Variants in HEYL observed in about 807,000 individuals in gnomAD.
HEYL encodes hes related family bHLH transcription factor with YRPW motif like, also known as hairy/enhancer-of-split related with YRPW motif-like protein.
HEYL carries 12 observed loss-of-function variants against 18.6 expected under a neutral mutation model. That is an observed-to-expected ratio of 0.65 (90% CI 0.41 to 1.05). HEYL has a LOEUF of 1.05. Ranked by LOEUF, HEYL falls within the 50% of genes least tolerant of loss-of-function variation. The pLI is 0.00. For synonymous variants in HEYL, 159 were observed against 179.6 expected, an observed-to-expected ratio of 0.89 and a Z score of 0.91; for missense variants, 420 against 444.7, an observed-to-expected ratio of 0.94 and a Z score of 0.50.
intron 1 of HEYL, among the ~76,000 whole-genome samples, chr1:39,637,372 C>T (rs938514825): frequency 3.3e-5 from 5 of 152,246 alleles, no homozygotes; most frequent in African/African-American, 1.2e-4. Flanking sequence ...CCCCTGACCC[C>T]GAGAGGCTGG....
At chr1:39,632,960 C>A (rs1570442837) in intron 1 of HEYL, 2 of 984,140 alleles carry the variant, frequency 2.0e-6, no homozygotes, top group African/African-American at 1.7e-5. Context: ...TCGCCCCTCG[C>A]GGCGGCCGTC....
At chr1:39,634,065 A>C (rs570674114) in intron 1 of HEYL, among the ~76,000 whole-genome samples, 1 of 152,178 alleles carries the variant, frequency 6.6e-6, no homozygotes, top group South Asian at 2.1e-4. Flanking sequence ...ACTCACTTAA[A>C]ACTCCTCAGT....
chr1:39,630,352 T>C (rs1646326079), intron 3 of HEYL, 44 bp from the exon 4 acceptor site: 1 of 1,466,380 alleles, frequency 6.8e-7, no homozygotes, highest in East Asian at 2.3e-5. Context: ...CAGCTGACCA[T>C]GTAGCTGTGC....
At chr1:39,633,081 G>A (rs1055341429) in intron 1 of HEYL, 2 of 983,128 alleles carry the variant, frequency 2.0e-6, no homozygotes, top group African/African-American at 3.5e-5. Context: ...GGGCGGGTTG[G>A]GTTTCAGAGG....
intron 1 of HEYL, chr1:39,633,155 G>GCCGC: frequency 1.0e-6 from 1 of 981,006 alleles, no homozygotes; most frequent in Non-Finnish European, 1.2e-6. Flanking sequence ...GGGCGCGCCG[G>GCCGC]CCGCCCGCCC....
chr1:39,626,479 C>T lies in HEYL; in HGVS notation c.*28G>A, dbSNP rs996221201. ...TCCTGGTAAAAGAACCTTCCTTATT[C>T]CTTGGGGCGGGGTGGTGAAGGGGCA... On this transcript the variant is annotated 3_prime_UTR_variant, in exon 5 of 5. Transcript: ENST00000372852. The T allele has an allele frequency of 4.3e-5, 63 of 1,477,426 alleles. No homozygotes were observed. The highest frequency in any genetic ancestry group is 5.6e-5 in the Non-Finnish European group (63 of 1,116,510). 91.5% of individuals were successfully genotyped at this position (1,477,426 alleles called of 1,614,324 possible). A position where few individuals can be genotyped will look rare whatever the true frequency, so the allele number is the denominator to read the frequency against.
intron 4 of HEYL, among the ~76,000 whole-genome samples, chr1:39,627,788 C>CT (rs1421325303): frequency 6.6e-6 from 1 of 152,196 alleles, no homozygotes; most frequent in African/African-American, 2.4e-5. Flanking sequence ...ATAGCAGTGC[C>CT]TACCGTATAG....
intron 4 of HEYL, 98 bp from the exon 5 acceptor site, chr1:39,627,278 C>T: frequency 9.0e-7 from 1 of 1,111,760 alleles, no homozygotes; most frequent in South Asian, 1.6e-5. Flanking sequence ...CCTCCACTCA[C>T]TCCCTGGGCA....
At chr1:39,632,223 G>T (rs1646337190) in intron 2 of HEYL, among the ~76,000 whole-genome samples, 1 of 152,222 alleles carries the variant, frequency 6.6e-6, no homozygotes, top group African/African-American at 2.4e-5. Context: ...AAGTGGGGCT[G>T]AACATGATGG....
chr1:39,630,056 G>T (rs934042619), intron 4 of HEYL, among the ~76,000 whole-genome samples, 171 bp downstream of exon 4: 2 of 152,250 alleles, frequency 1.3e-5, no homozygotes, highest in Non-Finnish European at 2.9e-5. Flanking sequence ...GACACTGAAA[G>T]TGGAGAGGGA....
intron 4 of HEYL, among the ~76,000 whole-genome samples, chr1:39,628,111 T>C (rs1042559334): frequency 6.6e-6 from 1 of 152,202 alleles, no homozygotes; most frequent in African/African-American, 2.4e-5. Flanking sequence ...CTCATGACGA[T>C]GGCAGCAAAT....
Position 39,624,238 on chromosome 1 carries a change from G to A in HEYL, c.*2269C>T, listed in dbSNP as rs1646283345. 1 of 152,268 alleles carries A rather than the reference G, an allele frequency of 6.6e-6. No homozygotes were observed. Among genetic ancestry groups the A allele is most frequent in the South Asian group, 2.1e-4 (1 of 4,830 alleles). The allele number at this position is 152,268 out of a possible 1,614,324, so 9.4% of individuals were successfully genotyped here. A position where few individuals can be genotyped will look rare whatever the true frequency, so the allele number is the denominator to read the frequency against. On this transcript the variant is annotated 3_prime_UTR_variant, in exon 5 of 5. Transcript: ENST00000372852. ...GGAGTTGGAGACACCAGGAAGGCTTGGGGATAGAAACACAAGATGCAAGTC... is the reference window on the plus strand; with the variant it reads ...GGAGTTGGAGACACCAGGAAGGCTTAGGGATAGAAACACAAGATGCAAGTC...
intron 2 of HEYL, among the ~76,000 whole-genome samples, chr1:39,632,411 G>A (rs931231348): frequency 2.0e-5 from 3 of 152,230 alleles, no homozygotes; most frequent in African/African-American, 4.8e-5. Context: ...AATCTGTAAA[G>A]CAGCCCTTTG....
At chr1:39,632,576 C>G in intron 2 of HEYL, 73 bp downstream of exon 2, 1 of 1,369,194 alleles carries the variant, frequency 7.3e-7, no homozygotes. Context: ...CTAGGGTTCT[C>G]CCCGCCGCCA....
At chr1:39,627,209 G>T in intron 4 of HEYL, 29 bp from the exon 5 acceptor site, 6 of 1,587,182 alleles carry the variant, frequency 3.8e-6, no homozygotes, top group Non-Finnish European at 4.3e-6. Flanking sequence ...TGAAGGTCAT[G>T]CCAGGTGTGG....
At chr1:39,639,356 G>A (rs1277959323) in intron 1 of HEYL, among the ~76,000 whole-genome samples, 190 bp downstream of exon 1, 1 of 152,154 alleles carries the variant, frequency 6.6e-6, no homozygotes, top group Non-Finnish European at 1.5e-5. Context: ...GAGCGCGCAG[G>A]ATCCAGGCAC....
intron 1 of HEYL, among the ~76,000 whole-genome samples, chr1:39,638,612 A>G (rs1646371773): frequency 6.6e-6 from 1 of 152,158 alleles, no homozygotes; most frequent in South Asian, 2.1e-4. Context: ...TGTCAGGGAA[A>G]CCAATGGCCC....
chr1:39,631,052 C>T (rs1646330294), intron 3 of HEYL, among the ~76,000 whole-genome samples: 1 of 152,196 alleles, frequency 6.6e-6, no homozygotes, highest in African/African-American at 2.4e-5. Flanking sequence ...TGTAGTTCCC[C>T]CACCTAACAT....
intron 1 of HEYL, among the ~76,000 whole-genome samples, chr1:39,635,527 C>T (rs1015451419): frequency 2.0e-5 from 3 of 152,188 alleles, no homozygotes; most frequent in African/African-American, 4.8e-5. Context: ...CGTATTATTT[C>T]CCCCCTTCTC....
Sources: gnomAD v4.1 joint callset for allele counts (sites outside exome capture counted in the v4.1 genomes callset) on GRCh38, gnomAD v4.1.1 for gene constraint, MANE v1.5 for transcripts, NCBI Gene and HGNC (gene_info 2026-07-23, HGNC 2026-07-21) for gene names.